The following ZNF236 variants were observed in gnomAD, a reference collection of about 807,000 sequenced individuals.
ZNF236 encodes zinc finger protein 236.
In ZNF236, 50 loss-of-function variants were observed where a neutral mutation model predicts 191.2. The ratio of observed to expected loss-of-function variants is 0.26; its 90% CI spans 0.21 to 0.33. ZNF236 has a LOEUF of 0.33. ZNF236 is among the 10% of genes least tolerant of loss of function. ZNF236 has a pLI of 1.00. For missense variants in ZNF236, 1,754 were observed against 2,374.5 expected (o/e 0.74, Z 5.43); for synonymous variants, 907 against 928.8 (o/e 0.98, Z 0.43).
At chr18:76,830,685 C>T (rs1438021009) in intron 1 of ZNF236, among the ~76,000 whole-genome samples, 1 of 152,242 alleles carries the variant, frequency 6.6e-6, no homozygotes, top group East Asian at 1.9e-4. Flanking sequence ...GGCAAGTTTA[C>T]GAATTTGTGT....
intron 1 of ZNF236, among the ~76,000 whole-genome samples, chr18:76,841,732 C>T (rs1362377037): frequency 7.4e-6 from 1 of 134,742 alleles, no homozygotes; most frequent in African/African-American, 2.8e-5. Flanking sequence ...TCAGTCTTGT[C>T]ATCCAGGCTG....
intron 3 of ZNF236, among the ~76,000 whole-genome samples, chr18:76,856,099 G>A (rs1440852369): frequency 6.6e-6 from 1 of 151,526 alleles, no homozygotes; most frequent in Admixed American, 6.6e-5. Context: ...TAGAAATCAG[G>A]TCTCACCATG....
At position 76,919,168 on chromosome 18, in the gene ZNF236, C is replaced by T. The variant is rs1967465729; in HGVS notation, c.3275-608C>T. On this transcript the variant is annotated intron_variant, in intron 19 of 30. Transcript: ENST00000320610. The surrounding 1 kb of genome is among the most constrained non-coding windows in gnomAD (Gnocchi z 5.3). ...TACCGGTAGCTTGTGTGGACACTGT[C>T]AGCCTCAAAGCTTACTCCTGAATTT... is the stretch of plus-strand genomic sequence containing the variant. 6.6e-6 allele frequency among the ~76,000 whole-genome samples: 1 copy of T among 152,184 alleles called. No individual in the cohort carries two copies. Among genetic ancestry groups the T allele is most frequent in the South Asian group, 2.1e-4 (1 of 4,824 alleles).
intron 27 of ZNF236, among the ~76,000 whole-genome samples, chr18:76,951,307 G>A (rs1165709768): frequency 1.3e-5 from 2 of 152,194 alleles, no homozygotes; most frequent in Admixed American, 1.3e-4. Context: ...AAGCTGTTCT[G>A]TTTACACTGA....
chr18:76,853,758 C>G (rs1257689569), intron 3 of ZNF236, among the ~76,000 whole-genome samples: 1 of 152,032 alleles, frequency 6.6e-6, no homozygotes, highest in African/African-American at 2.4e-5. Flanking sequence ...TGTCTGTAAT[C>G]CCAGCACTTT....
chr18:76,829,185 A>C (rs1313057944), intron 1 of ZNF236, among the ~76,000 whole-genome samples: 24 of 152,206 alleles, frequency 1.6e-4, no homozygotes, highest in Admixed American at 1.6e-3. Flanking sequence ...GTACAGAGAT[A>C]GTGCGTCTCT....
intron 26 of ZNF236, among the ~76,000 whole-genome samples, chr18:76,943,142 A>AAAG (rs1042975454): frequency 6.7e-6 from 1 of 149,634 alleles, no homozygotes; most frequent in African/African-American, 2.5e-5. Context: ...AAAAAAAAAA[A>AAAG]GAAGAGCAAA....
At chr18:76,939,442 T>C (rs1397050005) in intron 26 of ZNF236, among the ~76,000 whole-genome samples, 1 of 152,184 alleles carries the variant, frequency 6.6e-6, no homozygotes, top group Admixed American at 6.5e-5. Flanking sequence ...CAGCCAGGTC[T>C]CCTTTCCTAC....
rs1325298208 is a variant in ZNF236 at position 76,919,378 on chromosome 18, T to TGA, written c.3275-398_3275-397insGA. On this transcript the variant is annotated intron_variant, in intron 19 of 30. Coordinates refer to ENST00000320610, the MANE Select transcript of ZNF236 (RefSeq NM_001306089.2). The surrounding 1 kb of genome is among the most constrained non-coding windows in gnomAD (Gnocchi z 5.3). Reference sequence around the variant, plus strand: ...AATGATCAAATCAGAGTACTTGGGGTATTCATCACCTTAAGTATTTAGCAG... The same window carrying TGA: ...AATGATCAAATCAGAGTACTTGGGGTGAATTCATCACCTTAAGTATTTAGCAG... 6.6e-6 allele frequency among the ~76,000 whole-genome samples: 1 copy of TGA among 152,192 alleles called. No individual in the cohort carries two copies. The highest frequency in any genetic ancestry group is 1.9e-4 in the East Asian group (1 of 5,198).
rs775441929 is a variant in ZNF236 at position 76,849,526 on chromosome 18, A to G, written c.56A>G (p.Asp19Gly). The G allele has an allele frequency of 1.2e-6, 2 of 1,603,190 alleles. No homozygotes were observed. Among genetic ancestry groups the G allele is most frequent in the African/African-American group, 1.3e-5 (1 of 74,406 alleles). ...TGTCTATACTTATGCAATTTTATAG[A>G]TGGAGTTTTAACATTGAATGCGGAG... ...PRESKARGDSDGVLTLNAENT... is the reference protein window; with the variant it reads ...PRESKARGDSGGVLTLNAENT... Residue 19 changes from aspartate (D) to glycine (G), a missense_variant and splice_region_variant, in exon 2 of 31, where the codon GAT becomes GGT. Asp to Gly is a moderately conservative substitution (Grantham distance 94). Transcript: ENST00000320610.
intron 21 of ZNF236, 106 bp downstream of exon 21, chr18:76,923,280 G>A: frequency 4.2e-6 from 3 of 716,742 alleles, no homozygotes; most frequent in Non-Finnish European, 6.8e-6. Flanking sequence ...ATTATAGAAC[G>A]CTTAAAAATG....
intron 27 of ZNF236, among the ~76,000 whole-genome samples, chr18:76,951,755 G>C (rs1044362209): frequency 1.2e-4 from 19 of 152,322 alleles, no homozygotes; most frequent in African/African-American, 4.1e-4. Flanking sequence ...CTTTCAGCCT[G>C]TCTCAGCTCT....
At position 76,822,616 on chromosome 18, in the gene ZNF236, G is replaced by A. The variant is rs1974880355; in HGVS notation, c.9G>A (p.Arg3=). 6.6e-6 allele frequency: 1 copy of A among 151,492 alleles called. No homozygotes were observed. The highest frequency in any genetic ancestry group is 1.8e-4 in the South Asian group (1 of 5,638). The allele number at this position is 151,492 out of a possible 1,614,324, so 9.4% of individuals were successfully genotyped here. A position where few individuals can be genotyped will look rare whatever the true frequency, so the allele number is the denominator to read the frequency against. ...GAGCCGGGCCGCCGACGATGCCGCG[G>A]GGCCGCCCCCCGAAGCCCAGGGAGA... The part of the protein sequence containing the change: MP[R]GRPPKPRESK... Residue 3 remains arginine (R), a synonymous_variant, in exon 1 of 31, where the codon CGG becomes CGA. Coordinates refer to ENST00000320610, the MANE Select transcript of ZNF236 (RefSeq NM_001306089.2).
At chr18:76,932,684 C>T (rs1328780894) in intron 25 of ZNF236, among the ~76,000 whole-genome samples, 1 of 152,152 alleles carries the variant, frequency 6.6e-6, no homozygotes, top group African/African-American at 2.4e-5. Flanking sequence ...CTCATGTCTT[C>T]CTGGAAACTC....
intron 1 of ZNF236, among the ~76,000 whole-genome samples, chr18:76,848,876 C>T (rs375522203): frequency 1.3e-5 from 2 of 152,210 alleles, no homozygotes; most frequent in African/African-American, 4.8e-5. Flanking sequence ...TCAGGCTGGT[C>T]TTGAACTCCA....
intron 9 of ZNF236, among the ~76,000 whole-genome samples, chr18:76,891,743 T>C (rs953269440): frequency 6.6e-6 from 1 of 152,120 alleles, no homozygotes; most frequent in Non-Finnish European, 1.5e-5. Context: ...CACCCAGATG[T>C]GCAAACATCA....
intron 1 of ZNF236, among the ~76,000 whole-genome samples, chr18:76,824,948 A>G (rs536719203): frequency 2.8e-4 from 43 of 152,264 alleles, no homozygotes; most frequent in Admixed American, 7.2e-4. Context: ...AGCGTGGATG[A>G]ACTTGTTAAA....
chr18:76,861,514 A>G (rs909126723), intron 3 of ZNF236, among the ~76,000 whole-genome samples: 1 of 152,224 alleles, frequency 6.6e-6, no homozygotes, highest in East Asian at 1.9e-4. Context: ...CTATTATTGC[A>G]TAAGAAAGGA....
intron 28 of ZNF236, among the ~76,000 whole-genome samples, chr18:76,956,991 C>T (rs1277993129): frequency 1.3e-5 from 2 of 152,146 alleles, no homozygotes; most frequent in East Asian, 1.9e-4. Context: ...CCAAAAACCC[C>T]GTAACATGAG....
Sources: allele counts gnomAD v4.1 joint callset (sites outside exome capture counted in the v4.1 genomes callset), GRCh38; gene constraint gnomAD v4.1.1; non-coding constraint Gnocchi (gnomAD v3.1); transcripts MANE v1.5; gene names NCBI Gene and HGNC (gene_info 2026-07-23, HGNC 2026-07-21).